The following CNTN4 variants were observed in gnomAD, a reference collection of about 807,000 sequenced individuals.
CNTN4 encodes contactin-4.
CNTN4 carries 77 observed loss-of-function variants against 122.5 expected under a neutral mutation model. The ratio of observed to expected loss-of-function variants is 0.63; its 90% confidence interval spans 0.52 to 0.76. The LOEUF (loss-of-function observed/expected upper bound fraction) is 0.76. CNTN4 is among the 30% of genes least tolerant of loss of function. The pLI, the probability that CNTN4 is intolerant of heterozygous loss-of-function variation, is 0.00. For synonymous variants in CNTN4, 512 were observed against 447.0 expected (o/e 1.15, Z -1.83); for missense variants, 1,256 against 1,259.1 (o/e 1.00, Z 0.04).
intron 2 of CNTN4, among the ~76,000 whole-genome samples, chr3:2,216,538 A>T (rs2038849283): frequency 6.6e-6 from 1 of 152,174 alleles, no homozygotes; most frequent in Non-Finnish European, 1.5e-5. Context: ...CCTAAAATAA[A>T]AGTTAAACAA....
intron 4 of CNTN4, among the ~76,000 whole-genome samples, chr3:2,650,813 T>G (rs1203822554): frequency 6.6e-6 from 1 of 152,228 alleles, no homozygotes; most frequent in Non-Finnish European, 1.5e-5. Flanking sequence ...AACTGCAGTA[T>G]AGTGTAAACA....
intron 4 of CNTN4, among the ~76,000 whole-genome samples, chr3:2,676,130 C>T (rs1054574154): frequency 1.5e-4 from 23 of 152,244 alleles, no homozygotes; most frequent in Admixed American, 6.5e-4. Flanking sequence ...TTTATCCCTC[C>T]CTCCTACATG....
At position 2,805,634 on chromosome 3, in the gene CNTN4, C is replaced by T. The variant is rs940305946; in HGVS notation, c.359-13852C>T. The stretch of plus-strand genomic sequence containing the variant: ...GGTGAGGTGAGGCTGTACCTTGGCA[C>T]TGTCTGTGCACACTGACCTGCATTG... On this transcript the variant is annotated intron_variant, in intron 6 of 24. Transcript: ENST00000418658. Among the ~76,000 whole-genome samples the T allele has an allele frequency of 1.1e-3, 174 of 152,126 alleles. 2 individuals carry two copies. Among genetic ancestry groups the T allele is most frequent in the African/African-American group, 3.9e-3 (160 of 41,424 alleles).
intron 14 of CNTN4, among the ~76,000 whole-genome samples, chr3:3,022,800 T>G (rs1374386310): frequency 6.6e-6 from 1 of 152,184 alleles, no homozygotes; most frequent in East Asian, 1.9e-4. Context: ...CCTCTGGAGT[T>G]CAGAATTTAT....
chr3:2,973,902 A>G (rs1577461144), intron 13 of CNTN4, among the ~76,000 whole-genome samples: 1 of 152,352 alleles, frequency 6.6e-6, no homozygotes, highest in Admixed American at 6.5e-5. Flanking sequence ...GAAGTTGATC[A>G]TGGGAGAAAG....
intron 3 of CNTN4, among the ~76,000 whole-genome samples, chr3:2,469,867 T>A (rs2075625432): frequency 6.6e-6 from 1 of 152,206 alleles, no homozygotes; most frequent in African/African-American, 2.4e-5. Flanking sequence ...CTAATTTAAC[T>A]CATCTGAAGT....
intron 2 of CNTN4, among the ~76,000 whole-genome samples, chr3:2,136,159 T>A (rs540797687): frequency 6.2e-4 from 94 of 152,320 alleles, no homozygotes; most frequent in African/African-American, 2.2e-3. Context: ...AAGGATGTAA[T>A]CCCACGTTCT....
At chr3:2,658,463 CA>C (rs1386890214) in intron 4 of CNTN4, among the ~76,000 whole-genome samples, 1 of 152,152 alleles carries the variant, frequency 6.6e-6, no homozygotes, top group African/African-American at 2.4e-5. Context: ...TGGACACTCT[CA>C]TTTGTCAAAG....
At chr3:2,188,439 A>G (rs1019056514) in intron 2 of CNTN4, among the ~76,000 whole-genome samples, 2 of 152,174 alleles carry the variant, frequency 1.3e-5, no homozygotes, top group Non-Finnish European at 2.9e-5. Flanking sequence ...GAAAAGGTCA[A>G]GTTCTCCTGA....
chr3:2,130,106 C>T (rs2034380316), intron 2 of CNTN4, among the ~76,000 whole-genome samples: 2 of 152,034 alleles, frequency 1.3e-5, no homozygotes, highest in East Asian at 3.9e-4. Context: ...TGGCTTTGTC[C>T]ATATGTTATT....
At chr3:2,425,390 G>C (rs937705088) in intron 3 of CNTN4, among the ~76,000 whole-genome samples, 2 of 152,124 alleles carry the variant, frequency 1.3e-5, no homozygotes, top group Non-Finnish European at 2.9e-5. Flanking sequence ...TAGATGTGTG[G>C]TGTTATTTCT....
chr3:2,372,123 T>C (rs1026245650), intron 3 of CNTN4, among the ~76,000 whole-genome samples: 4 of 152,246 alleles, frequency 2.6e-5, no homozygotes, highest in African/African-American at 9.6e-5. Context: ...TGCATAAATG[T>C]GATCACTCTC....
At position 2,212,592 on chromosome 3, in the gene CNTN4, T is replaced by C. The variant is rs2149447196; in HGVS notation, c.-145+111953T>C. On this transcript the variant is annotated intron_variant, in intron 2 of 24. Coordinates refer to ENST00000418658, the MANE Select transcript of CNTN4 (RefSeq NM_175607.3). ...ACCAACCCCATGATGCAGTGATCTC[T>C]ACCTGGCCCTGCCCTTGGCACATGA... Among the ~76,000 whole-genome samples, 4 of 152,300 alleles carry C rather than the reference T, an allele frequency of 2.6e-5. 1 individual carries two copies. In the South Asian group the frequency reaches 8.3e-4, roughly 32 times the overall value.
At chr3:2,957,636 A>G (rs772861821) in intron 13 of CNTN4, among the ~76,000 whole-genome samples, 3 of 151,808 alleles carry the variant, frequency 2.0e-5, no homozygotes, top group African/African-American at 7.3e-5. Context: ...TGTTTTTCTC[A>G]TTCTATGTCC....
intron 3 of CNTN4, among the ~76,000 whole-genome samples, chr3:2,347,664 C>T (rs2044453031): frequency 1.4e-5 from 2 of 140,830 alleles, no homozygotes; most frequent in Admixed American, 1.5e-4. Flanking sequence ...CCCACCTCGG[C>T]CTCCCAAAGT....
At chr3:2,342,298 G>C (rs557773701) in intron 3 of CNTN4, among the ~76,000 whole-genome samples, 121 of 151,958 alleles carry the variant, frequency 8.0e-4, no homozygotes, top group Non-Finnish European at 1.6e-3. Context: ...GCACTCATAG[G>C]GAAAATAGAA....
At chr3:2,617,630 C>G (rs745868627) in intron 4 of CNTN4, among the ~76,000 whole-genome samples, 1 of 151,818 alleles carries the variant, frequency 6.6e-6, no homozygotes, top group Admixed American at 6.6e-5. Context: ...ACAATGTTGG[C>G]CATGATGGTC....
chr3:2,314,710 A>G (rs899595785), intron 2 of CNTN4, among the ~76,000 whole-genome samples: 3 of 152,062 alleles, frequency 2.0e-5, no homozygotes, highest in African/African-American at 7.2e-5. Context: ...GTAATTTGAT[A>G]CAAATGTAAA....
At chr3:2,457,304 C>G (rs1464077320) in intron 3 of CNTN4, among the ~76,000 whole-genome samples, 1 of 152,020 alleles carries the variant, frequency 6.6e-6, no homozygotes, top group Non-Finnish European at 1.5e-5. Flanking sequence ...ATTTTGATAA[C>G]ATTTGAAAGG....
Sources: allele counts gnomAD v4.1 joint callset (sites outside exome capture counted in the v4.1 genomes callset), GRCh38; gene constraint gnomAD v4.1.1; transcripts MANE v1.5; gene names NCBI Gene and HGNC (gene_info 2026-07-23, HGNC 2026-07-21).